The following DCC variants were observed in gnomAD, a reference collection of about 807,000 sequenced individuals.
DCC encodes netrin receptor DCC.
In DCC, 58 loss-of-function variants were observed where a neutral mutation model predicts 172.5. The observed-to-expected ratio is 0.34, with a 90% CI of 0.27 to 0.42. DCC has a LOEUF of 0.42. Among genes scored for constraint, DCC ranks in the 10% least tolerant of loss-of-function variants. The probability of loss-of-function intolerance (pLI) is 1.00; values close to 1 mark genes in which losing one functional copy is unlikely to be tolerated. For synonymous variants in DCC, 709 were observed against 644.5 expected, an observed-to-expected ratio of 1.10 and a Z score of -1.52; for missense variants, 1,740 against 1,791.0, an observed-to-expected ratio of 0.97 and a Z score of 0.51.
chr18:53,107,776 T>C lies in DCC; in HGVS notation c.1261+41610T>C, dbSNP rs1254655775. Reference sequence around the variant, plus strand: ...TTTAAATGGTGGTTTCTGTTTGCCATCGTATAATAGCTAGACTTAGAGGAC... The same window carrying C: ...TTTAAATGGTGGTTTCTGTTTGCCACCGTATAATAGCTAGACTTAGAGGAC... On this transcript the variant is annotated intron_variant, in intron 7 of 28. Coordinates refer to ENST00000442544, the MANE Select transcript of DCC (RefSeq NM_005215.4). Among the ~76,000 whole-genome samples the C allele has an allele frequency of 2.0e-5, 3 of 151,890 alleles. No homozygotes were observed. The East Asian group carries it at 5.8e-4, about 30-fold the overall frequency.
At chr18:53,269,921 TA>T (rs1249643147) in intron 12 of DCC, among the ~76,000 whole-genome samples, 1 of 152,126 alleles carries the variant, frequency 6.6e-6, no homozygotes, top group African/African-American at 2.4e-5. Flanking sequence ...TAGGATAGAT[TA>T]AGGCTTGGAA....
At chr18:52,378,552 T>C (rs779198198) in intron 1 of DCC, among the ~76,000 whole-genome samples, 7 of 152,064 alleles carry the variant, frequency 4.6e-5, no homozygotes, top group Non-Finnish European at 1.0e-4. Flanking sequence ...ATATATACTT[T>C]TTTTGAGAGA....
chr18:52,415,779 T>C (rs1406846360), intron 1 of DCC, among the ~76,000 whole-genome samples: 3 of 152,212 alleles, frequency 2.0e-5, no homozygotes, highest in African/African-American at 7.2e-5. Context: ...TCTTTATTAA[T>C]CTTGCTAGTG....
chr18:53,528,182 T>C (rs1232552899), intron 28 of DCC, among the ~76,000 whole-genome samples: 2 of 152,148 alleles, frequency 1.3e-5, no homozygotes, highest in Admixed American at 6.6e-5. Flanking sequence ...ATCATTTCAT[T>C]TGAATGAAGA....
In DCC at chr18:53,262,303, G is replaced by A. The variant is rs554850979; in HGVS notation, c.1912-43275G>A. On this transcript the variant is annotated intron_variant, in intron 12 of 28. Coordinates refer to ENST00000442544, the MANE Select transcript of DCC (RefSeq NM_005215.4). ...TAGCCTAAAATCAACTCTATATACA[G>A]ACCAAATGCTATTTTCTGCAAATTC... 7.2e-5 allele frequency among the ~76,000 whole-genome samples: 11 copies of A among 152,276 alleles called. No homozygotes were observed. In the South Asian group the frequency reaches 2.1e-3, roughly 29 times the overall value.
chr18:53,246,054 G>A (rs1281674756), intron 12 of DCC, among the ~76,000 whole-genome samples: 1 of 151,960 alleles, frequency 6.6e-6, no homozygotes, highest in Non-Finnish European at 1.5e-5. Context: ...TTACGGTATT[G>A]AATAGTTCTC....
chr18:53,372,861 C>A (rs1210826079), intron 15 of DCC, among the ~76,000 whole-genome samples: 1 of 152,050 alleles, frequency 6.6e-6, no homozygotes, highest in Admixed American at 6.6e-5. Flanking sequence ...CTCTGTAATA[C>A]CCACTGAAAG....
At chr18:53,515,660 C>G (rs1265126294) in intron 27 of DCC, among the ~76,000 whole-genome samples, 4 of 148,220 alleles carry the variant, frequency 2.7e-5, no homozygotes, top group African/African-American at 1.0e-4. Flanking sequence ...CAACAACAGA[C>G]AAACAGAGAG....
chr18:53,380,084 C>T (rs1016301544), intron 15 of DCC, among the ~76,000 whole-genome samples: 4 of 152,158 alleles, frequency 2.6e-5, no homozygotes, highest in Non-Finnish European at 4.4e-5. Context: ...TATTCCTGCA[C>T]AATGGGGTCT....
At chr18:52,574,695 T>C (rs1184469885) in intron 1 of DCC, among the ~76,000 whole-genome samples, 1 of 152,170 alleles carries the variant, frequency 6.6e-6, no homozygotes, top group African/African-American at 2.4e-5. Context: ...AAGTAAAGAA[T>C]AAATTCCCCT....
At chr18:53,212,409 C>T (rs1598911214) in intron 11 of DCC, among the ~76,000 whole-genome samples, 1 of 149,956 alleles carries the variant, frequency 6.7e-6, no homozygotes, top group Non-Finnish European at 1.5e-5. Context: ...TTTCACCTAG[C>T]CCTAGCATCT....
intron 9 of DCC, among the ~76,000 whole-genome samples, chr18:53,196,307 T>A (rs1168180027): frequency 6.6e-6 from 1 of 152,190 alleles, no homozygotes; most frequent in Non-Finnish European, 1.5e-5. Context: ...CAGTCCAGAA[T>A]CTTCGTTGTT....
At chr18:52,660,103 C>T (rs1161698511) in intron 1 of DCC, among the ~76,000 whole-genome samples, 2 of 152,112 alleles carry the variant, frequency 1.3e-5, no homozygotes, top group African/African-American at 4.8e-5. Flanking sequence ...ATTCTCACTT[C>T]AATGTTCTTT....
rs1314424177 is a variant in DCC, at chr18:52,927,159, G to A, written c.985+1789G>A. Among the ~76,000 whole-genome samples the A allele has an allele frequency of 2.4e-3, 47 of 19,726 alleles. 5 individuals are homozygous for A. The highest frequency in any genetic ancestry group is 5.7e-3 in the African/African-American group (43 of 7,568). The allele number at this position is 19,726 out of a possible 152,430, so 12.9% of individuals were successfully genotyped here. A position where few individuals can be genotyped will look rare whatever the true frequency, so the allele number is the denominator to read the frequency against. ...TACGTGTATATATGTGTATATATAC[G>A]TATATATGTGTATATATGTGTATAT... On this transcript the variant is annotated intron_variant, in intron 5 of 28. Coordinates refer to ENST00000442544, the MANE Select transcript of DCC (RefSeq NM_005215.4).
At chr18:53,347,036 A>G (rs62098016) in intron 15 of DCC, among the ~76,000 whole-genome samples, 145 of 152,188 alleles carry the variant, frequency 9.5e-4, no homozygotes, top group Admixed American at 2.0e-3. Context: ...GTTAGTGTTT[A>G]GGCTGAGACT....
At chr18:52,644,777 AAAGAAG>A (rs2034980304) in intron 1 of DCC, among the ~76,000 whole-genome samples, 1 of 36,158 alleles carries the variant, frequency 2.8e-5, no homozygotes, top group Non-Finnish European at 7.1e-5. Flanking sequence ...GGAAGAAAGG[AAAGAAG>A]GAAAGAAGGA....
intron 1 of DCC, among the ~76,000 whole-genome samples, chr18:52,373,758 A>T (rs765685839): frequency 6.6e-6 from 1 of 152,114 alleles, no homozygotes; most frequent in Non-Finnish European, 1.5e-5. Flanking sequence ...GGGCTTTTGT[A>T]GCCTAAATGA....
At chr18:53,200,091 G>A (rs907823561) in intron 9 of DCC, among the ~76,000 whole-genome samples, 5 of 152,182 alleles carry the variant, frequency 3.3e-5, no homozygotes, top group African/African-American at 1.2e-4. Flanking sequence ...AAATGATCCA[G>A]AAGAGTGCAG....
chr18:53,146,795 C>G (rs1466387910), intron 7 of DCC, among the ~76,000 whole-genome samples: 6 of 152,190 alleles, frequency 3.9e-5, no homozygotes, highest in Non-Finnish European at 5.9e-5. Flanking sequence ...AAAATAGATA[C>G]ATTTGTTATG....
Sources: allele counts gnomAD v4.1 joint callset (sites outside exome capture counted in the v4.1 genomes callset), GRCh38; gene constraint gnomAD v4.1.1; transcripts MANE v1.5; gene names NCBI Gene and HGNC (gene_info 2026-07-23, HGNC 2026-07-21).